The following LAMA1 variants were observed in gnomAD, a reference collection of about 807,000 sequenced individuals.
LAMA1 encodes laminin subunit alpha 1.
A neutral mutation model predicts 348.7 loss-of-function variants in LAMA1; 219 were observed. The observed-to-expected ratio is 0.63, with a 90% CI of 0.56 to 0.70. The LOEUF (loss-of-function observed/expected upper bound fraction) is 0.70, where lower values mean the gene tolerates loss of function less well. Ranked by LOEUF, LAMA1 falls within the 30% of genes least tolerant of loss-of-function variation. LAMA1 has a pLI of 0.00. For synonymous variants in LAMA1, 1,487 were observed against 1,491.0 expected, an observed-to-expected ratio of 1.00 and a Z score of 0.06; for missense variants, 3,744 against 3,888.0, an observed-to-expected ratio of 0.96 and a Z score of 0.99.
In LAMA1 at chr18:7,117,761, G is replaced by T. The variant is rs2058364236; in HGVS notation, c.-41C>A. ...ACTCGGTGGGTCTGGGGAGAAAGCC[G>T]CGCGCCCGCCTGGAACGCTCCACGG... On this transcript the variant is annotated 5_prime_UTR_variant, in exon 1 of 63. Transcript: ENST00000389658. The T allele has an allele frequency of 6.4e-7, 1 of 1,567,392 alleles. No homozygotes were observed. The highest frequency in any genetic ancestry group is 1.4e-5 in the African/African-American group (1 of 73,818).
At chr18:7,110,256 T>G (rs971046289) in intron 1 of LAMA1, among the ~76,000 whole-genome samples, 1 of 150,362 alleles carries the variant, frequency 6.7e-6, no homozygotes, top group African/African-American at 2.4e-5. Flanking sequence ...GCATTTGCAG[T>G]GCTAACAGAG....
intron 39 of LAMA1, 133 bp from the exon 40 acceptor site, chr18:6,983,367 A>T: frequency 2.2e-6 from 2 of 912,098 alleles, no homozygotes; most frequent in Non-Finnish European, 3.4e-6. Context: ...TATCATCCAT[A>T]AAAAATAACA....
chr18:7,037,599 G>A lies in LAMA1; in HGVS notation c.1716C>T (p.Pro572=), dbSNP rs144105602. The A allele has an allele frequency of 1.3e-3, 2,057 of 1,613,964 alleles. 63 individuals carry two copies. The Admixed American group carries it at 0.031, about 24-fold the overall frequency. ...GCACCTTATTTCCAAGGTAGGCCTC[G>A]GGGGCTGCCCAGTAGTACTTGGGAG... ...RLAPKYYWAA[P]EAYLGNKLTA... is the part of the protein sequence containing the mutation. The change falls in exon 12 of 63, where the codon CCC becomes CCT. Residue 572 remains proline (P), a synonymous_variant. Transcript: ENST00000389658.
At chr18:7,051,031 T>C (rs2058060734) in intron 3 of LAMA1, 95 bp from the exon 4 acceptor site, 1 of 1,495,814 alleles carries the variant, frequency 6.7e-7, no homozygotes, top group East Asian at 2.4e-5. Flanking sequence ...AGGTAGAATC[T>C]AAGATAGTTG....
intron 12 of LAMA1, among the ~76,000 whole-genome samples, chr18:7,036,535 T>A (rs530938498): frequency 5.3e-5 from 8 of 152,340 alleles, no homozygotes; most frequent in African/African-American, 1.7e-4. Flanking sequence ...TTTCTTCTGA[T>A]TAGATGTCCT....
chr18:7,026,328 C>T (rs1236623206), intron 16 of LAMA1, among the ~76,000 whole-genome samples: 2 of 152,170 alleles, frequency 1.3e-5, no homozygotes, highest in African/African-American at 4.8e-5. Context: ...GACTGATGAG[C>T]ATGGACAAGG....
intron 3 of LAMA1, among the ~76,000 whole-genome samples, chr18:7,068,797 GA>G (rs11300832): frequency 0.17 from 22,495 of 133,644 alleles, 4,640 homozygotes; most frequent in African/African-American, 0.49. Context: ...ACATAAAAAA[GA>G]AAAAAAAAAA....
At chr18:7,027,794 T>C (rs2057951181) in intron 16 of LAMA1, among the ~76,000 whole-genome samples, 1 of 151,960 alleles carries the variant, frequency 6.6e-6, no homozygotes, top group Non-Finnish European at 1.5e-5. Context: ...AATACAAAAA[T>C]TAGCCGGGCG....
chr18:6,974,838 C>G (rs757517629), intron 46 of LAMA1, 65 bp downstream of exon 46: 8 of 1,585,934 alleles, frequency 5.0e-6, no homozygotes, highest in Non-Finnish European at 6.9e-6. Flanking sequence ...ATGTTACAAG[C>G]ATGTAATTAC....
intron 3 of LAMA1, among the ~76,000 whole-genome samples, chr18:7,064,141 G>T (rs2058113135): frequency 6.6e-6 from 1 of 151,946 alleles, no homozygotes; most frequent in Admixed American, 6.5e-5. Context: ...AGGATTGGAT[G>T]TTGTGTATTG....
In LAMA1 at chr18:7,095,932, G is replaced by T. The variant is rs141656785; in HGVS notation, c.62-15475C>A. On this transcript the variant is annotated intron_variant, in intron 1 of 62. Transcript: ENST00000389658. ...AAATACAAAAAATTCGCCAGGCGTG[G>T]TGGCAGGCGCCTGTAATTCCAGTTA... Among the ~76,000 whole-genome samples, 120 of 152,322 alleles carry T rather than the reference G, an allele frequency of 7.9e-4. 1 individual carries two copies. The highest frequency in any genetic ancestry group is 2.6e-3 in the African/African-American group (109 of 41,564).
intron 30 of LAMA1, among the ~76,000 whole-genome samples, chr18:7,000,315 G>C (rs769221455): frequency 3.4e-4 from 51 of 152,182 alleles, no homozygotes; most frequent in Non-Finnish European, 5.0e-4. Context: ...AAGGAAAAAG[G>C]GTCTTTGCTT....
At chr18:6,974,549 T>C (rs947656451) in intron 46 of LAMA1, among the ~76,000 whole-genome samples, 14 of 149,974 alleles carry the variant, frequency 9.3e-5, no homozygotes, top group African/African-American at 3.5e-4. Context: ...CTCCACCTCC[T>C]GGGTTCAAGC....
intron 41 of LAMA1, among the ~76,000 whole-genome samples, chr18:6,981,934 G>C (rs1367839846): frequency 6.6e-6 from 1 of 152,180 alleles, no homozygotes; most frequent in Non-Finnish European, 1.5e-5. Flanking sequence ...TTTGGTTCAT[G>C]TTTATTGGAT....
In LAMA1 at chr18:7,042,233, A is replaced by T; in HGVS notation, c.1173T>A (p.Asp391Glu). The T allele has an allele frequency of 1.2e-6, 2 of 1,609,492 alleles. No individual in the cohort carries two copies. ...YRPHKVSPYEDEPCRPCNCDP... is the reference protein window; with the variant it reads ...YRPHKVSPYEEEPCRPCNCDP... ...CACAATTACAGGGGCGGCAAGGCTC[A>T]TCCTCATAAGGAGACACCTGAAAGG... Residue 391 changes from aspartate to glutamate, a missense_variant, in exon 9 of 63, where the codon GAT (aspartate) becomes GAA (glutamate). By Grantham distance (45) the Asp-to-Glu change is conservative. Around this residue, in one of 3 missense-constraint regions of LAMA1, gnomAD observed 1,529 missense variants for 1,689.4 expected, o/e 0.91. Coordinates refer to ENST00000389658, the MANE Select transcript of LAMA1 (RefSeq NM_005559.4).
chr18:7,034,691 C>T lies in LAMA1; in HGVS notation c.1840-1G>A. The T allele has an allele frequency of 1.2e-6, 2 of 1,611,350 alleles. No homozygotes were observed. The highest frequency in any genetic ancestry group is 1.7e-6 in the Non-Finnish European group (2 of 1,177,772). On this transcript the variant is annotated splice_acceptor_variant, in intron 13 of 62. Coordinates refer to ENST00000389658, the MANE Select transcript of LAMA1 (RefSeq NM_005559.4). LOFTEE classifies it high-confidence loss of function. The stretch of plus-strand genomic sequence containing the variant: ...GTGTGCTTAAAGTGAGTCCGTTTCC[C>T]TAACATTTAAAAACAAGAGAAAATA...
In LAMA1 at chr18:7,095,912, C is replaced by CA. The variant is rs1248384563; in HGVS notation, c.62-15456dup. ...TGAAACCCCGTCTCTACTAAAAATA[C>CA]AAAAAATTCGCCAGGCGTGGTGGCA... On this transcript the variant is annotated intron_variant, in intron 1 of 62. Coordinates refer to ENST00000389658, the MANE Select transcript of LAMA1 (RefSeq NM_005559.4). Among the ~76,000 whole-genome samples the CA allele has an allele frequency of 2.0e-5, 3 of 152,120 alleles. No individual in the cohort carries two copies. In the East Asian group the frequency reaches 5.8e-4, roughly 29 times the overall value.
chr18:7,040,977 G>A lies in LAMA1; in HGVS notation c.1262-741C>T, dbSNP rs148011253. ...AGGTAATTAACGATTGCCAGGGGCC[G>A]GGAGAAGGGGCTGGAGGAAAGTAAG... On this transcript the variant is annotated intron_variant, in intron 9 of 62. Transcript: ENST00000389658. 2.4e-4 allele frequency among the ~76,000 whole-genome samples: 36 copies of A among 152,250 alleles called. 1 individual carries two copies. The highest frequency in any genetic ancestry group is 7.0e-4 in the African/African-American group (29 of 41,548).
chr18:7,082,507 A>G (rs2058196991), intron 1 of LAMA1, among the ~76,000 whole-genome samples: 1 of 152,242 alleles, frequency 6.6e-6, no homozygotes, highest in Non-Finnish European at 1.5e-5. Context: ...TAGCTCCTAC[A>G]GTAACACATA....
Sources: gnomAD v4.1 joint callset for allele counts (sites outside exome capture counted in the v4.1 genomes callset) on GRCh38, gnomAD v4.1.1 for gene constraint, gnomAD v4.1.1 regional missense constraint, MANE v1.5 for transcripts, NCBI Gene and HGNC (gene_info 2026-07-23, HGNC 2026-07-21) for gene names.